Variants in CCT8 observed in about 807,000 individuals in gnomAD.
CCT8 encodes T-complex protein 1 subunit theta.
Under a neutral mutation model 65.7 loss-of-function variants are expected in CCT8, and 10 were observed. That is an observed-to-expected ratio of 0.15 (90% CI 0.09 to 0.26). CCT8 has a LOEUF of 0.26. Among genes scored for constraint, CCT8 ranks in the 10% least tolerant of loss-of-function variants. The pLI is 1.00. For missense variants in CCT8, 568 were observed against 669.1 expected (o/e 0.85, Z 1.67); for synonymous variants, 199 against 221.8 (o/e 0.90, Z 0.92).
chr21:29,064,481 C>T (rs1226978139), intron 7 of CCT8, among the ~76,000 whole-genome samples: 3 of 150,862 alleles, frequency 2.0e-5, no homozygotes, highest in African/African-American at 4.9e-5. Context: ...TGACCAGACC[C>T]CCCTCATGCT....
chr21:29,061,622 A>C, intron 11 of CCT8, 55 bp from the exon 12 acceptor site: 1 of 1,552,746 alleles, frequency 6.4e-7, no homozygotes, highest in African/African-American at 1.4e-5. Flanking sequence ...ATTCACTAAA[A>C]ATCAGTTTGC....
rs1260363239 is a variant in CCT8 at position 29,062,422 on chromosome 21, GA to G, written c.1009-8del. On this transcript the variant is annotated splice_polypyrimidine_tract_variant and splice_region_variant and intron_variant, in intron 9 of 14. Coordinates refer to ENST00000286788, the MANE Select transcript of CCT8 (RefSeq NM_006585.4). Reference sequence around the variant, plus strand: ...CTTCAAGGACAGGAGGTGTCTGTAAGAAAGTGACTGTTGTAATAAAAATTCC... The same window carrying G: ...CTTCAAGGACAGGAGGTGTCTGTAAGAAGTGACTGTTGTAATAAAAATTCC... The G allele has an allele frequency of 6.2e-7, 1 of 1,612,674 alleles. No individual in the cohort carries two copies. The highest frequency in any genetic ancestry group is 1.3e-5 in the African/African-American group (1 of 74,996).
intron 8 of CCT8, 139 bp from the exon 9 acceptor site, chr21:29,062,695 GA>G: frequency 1.5e-6 from 1 of 688,610 alleles, no homozygotes; most frequent in East Asian, 2.7e-5. Context: ...AACATGTCTG[GA>G]TTGCAATGAA....
chr21:29,071,923 C>T, intron 1 of CCT8: 1 of 702,300 alleles, frequency 1.4e-6, no homozygotes, highest in Non-Finnish European at 2.6e-6. Flanking sequence ...CGTATCCCGG[C>T]CCTTGTATGG....
chr21:29,062,113 A>G lies in CCT8; in HGVS notation c.1212+15T>C. 6.6e-7 allele frequency: 1 copy of G among 1,514,206 alleles called. No homozygotes were observed. The highest frequency in any genetic ancestry group is 1.7e-5 in the Admixed American group (1 of 59,804). 93.8% of individuals were successfully genotyped at this position (1,514,206 alleles called of 1,614,324 possible). A position where few individuals can be genotyped will look rare whatever the true frequency, so the allele number is the denominator to read the frequency against. On this transcript the variant is annotated intron_variant, in intron 11 of 14. Coordinates refer to ENST00000286788, the MANE Select transcript of CCT8 (RefSeq NM_006585.4). ...TCAGACCTTACAAACTACTAAGAAT[A>G]TTGCTGATACTGACCCTTGTAAGAA...
At position 29,061,579 on chromosome 21, in the gene CCT8, G is replaced by A. The variant is rs1420696250; in HGVS notation, c.1213-12C>T. The A allele has an allele frequency of 5.0e-6, 8 of 1,600,898 alleles. No homozygotes were observed. In the Admixed American group the frequency reaches 7.1e-5, roughly 14 times the overall value. The stretch of plus-strand genomic sequence containing the variant: ...ACAAGACGTTTATCCTGTATGTAGC[G>A]CCCCCACCAAAAAAAAAATGAACAC... On this transcript the variant is annotated splice_polypyrimidine_tract_variant and intron_variant, in intron 11 of 14. Coordinates refer to ENST00000286788, the MANE Select transcript of CCT8 (RefSeq NM_006585.4).
At chr21:29,057,715 T>TA (rs973226517) in intron 14 of CCT8, among the ~76,000 whole-genome samples, 3 of 88,558 alleles carry the variant, frequency 3.4e-5, no homozygotes, top group Non-Finnish European at 1.0e-4. Flanking sequence ...ATATAATATA[T>TA]ATCATACATA....
chr21:29,062,990 GGTTAA>G (rs917489465), intron 8 of CCT8: 32 of 318,212 alleles, frequency 1.0e-4, no homozygotes, highest in African/African-American at 3.2e-4. Context: ...GGTAGAAATG[GGTTAA>G]GTTGTCTAGT....
chr21:29,067,047 A>T lies in CCT8; in HGVS notation c.406T>A (p.Cys136Ser). 6.2e-7 allele frequency: 1 copy of T among 1,611,754 alleles called. No individual in the cohort carries two copies. Among genetic ancestry groups the T allele is most frequent in the South Asian group, 1.1e-5 (1 of 90,806 alleles). Residue 136 changes from cysteine to serine, a missense_variant, in exon 5 of 15, where the codon TGC becomes AGC. By Grantham distance (112) the Cys-to-Ser change is moderately radical. Transcript: ENST00000286788. ...SEVIEGYEIA[C>S]RKAHEILPNL... ...GGAAGAATCTCATGAGCTTTTCTGC[A>T]GGCTATTTCATAACCTTCTATGACC... is the stretch of plus-strand genomic sequence containing the variant.
At chr21:29,071,245 G>A (rs2085676259) in intron 1 of CCT8, among the ~76,000 whole-genome samples, 1 of 152,152 alleles carries the variant, frequency 6.6e-6, no homozygotes, top group South Asian at 2.1e-4. Context: ...CAAATGCCCA[G>A]TAGCTACATG....
intron 13 of CCT8, 119 bp from the exon 14 acceptor site, chr21:29,060,779 A>G (rs2085554433): frequency 9.4e-7 from 1 of 1,061,328 alleles, no homozygotes. Context: ...GCACAGTCCT[A>G]CCTTATAGAG....
chr21:29,071,397 T>TGA lies in CCT8; in HGVS notation c.61-1062_61-1061dup, dbSNP rs1035480652. On this transcript the variant is annotated intron_variant, in intron 1 of 14. Coordinates refer to ENST00000286788, the MANE Select transcript of CCT8 (RefSeq NM_006585.4). ...AAGGTTAATAGCCATTACTCTTTTTTGAGAGAGAGAGAGTCTCCTCTATCG... is the reference window on the plus strand; with the variant it reads ...AAGGTTAATAGCCATTACTCTTTTTTGAGAGAGAGAGAGAGTCTCCTCTATCG... Among the ~76,000 whole-genome samples the TGA allele has an allele frequency of 9.9e-5, 15 of 151,788 alleles. No homozygotes were observed. In the East Asian group the frequency reaches 1.9e-3, roughly 20 times the overall value.
In CCT8 at chr21:29,061,321, T is replaced by C; in HGVS notation, c.1381A>G (p.Asn461Asp). The C allele has an allele frequency of 2.5e-6, 4 of 1,613,974 alleles. No individual in the cohort carries two copies. Among genetic ancestry groups the C allele is most frequent in the Non-Finnish European group, 3.4e-6 (4 of 1,179,844 alleles). The change falls in exon 13 of 15, where the codon AAT (asparagine) becomes GAT (aspartate). Residue 461 changes from asparagine to aspartate, a missense_variant. Transcript: ENST00000286788. ...GCATAAAGTTTAGAGATTACTTCAT[T>C]GGCCTTAACTCCAGAGTTTTCTGCC... ...ALAENSGVKA[N>D]EVISKLYAVH...
At chr21:29,056,586 A>G (rs1254044424) in intron 14 of CCT8, 34 bp from the exon 15 acceptor site, 1 of 1,341,856 alleles carries the variant, frequency 7.5e-7, no homozygotes, top group Admixed American at 2.5e-5. Context: ...GAGTATGCTT[A>G]TCAACTTAAC....
chr21:29,056,533 G>A lies in CCT8; in HGVS notation c.1589C>T (p.Ala530Val). The A allele has an allele frequency of 6.4e-6, 10 of 1,558,358 alleles. No homozygotes were observed. The highest frequency in any genetic ancestry group is 8.7e-6 in the Non-Finnish European group (10 of 1,152,440). Residue 530 changes from alanine to valine, a missense_variant, in exon 15 of 15, where the codon GCT becomes GTT. Physicochemically the swap from Ala to Val is moderately conservative, Grantham distance 64. Transcript: ENST00000286788. ...RVDQIIMAKP[A>V]GGPKPPSGKK... Reference sequence around the variant, plus strand: ...CCCACTTGGAGGCTTGGGCCCACCAGCTGGTTTTGCCATGATGATCTGCAT... The same window carrying A: ...CCCACTTGGAGGCTTGGGCCCACCAACTGGTTTTGCCATGATGATCTGCAT...
chr21:29,070,606 T>A (rs2085670137), intron 1 of CCT8, among the ~76,000 whole-genome samples: 1 of 152,254 alleles, frequency 6.6e-6, no homozygotes, highest in South Asian at 2.1e-4. Context: ...CAAGATTTTT[T>A]AATGTAAAAC....
intron 7 of CCT8, among the ~76,000 whole-genome samples, chr21:29,064,010 C>T (rs1238669491): frequency 6.6e-6 from 1 of 152,144 alleles, no homozygotes; most frequent in Non-Finnish European, 1.5e-5. Context: ...CGTGATTTGC[C>T]TGCCTTGGCC....
At chr21:29,072,626 T>C (rs1401565706) in intron 1 of CCT8, among the ~76,000 whole-genome samples, 1 of 152,238 alleles carries the variant, frequency 6.6e-6, no homozygotes, top group Non-Finnish European at 1.5e-5. Context: ...AACCTAGTTC[T>C]ATTAAACTGT....
At chr21:29,060,498 T>C in intron 14 of CCT8, 43 bp downstream of exon 14, 1 of 1,595,114 alleles carries the variant, frequency 6.3e-7, no homozygotes, top group South Asian at 1.1e-5. Context: ...TTAAACAGTA[T>C]GCAAATGAGT....
Sources: gnomAD v4.1 joint callset for allele counts (sites outside exome capture counted in the v4.1 genomes callset) on GRCh38, gnomAD v4.1.1 for gene constraint, MANE v1.5 for transcripts, NCBI Gene and HGNC (gene_info 2026-07-23, HGNC 2026-07-21) for gene names.